Variants in RNF111 observed in about 807,000 individuals in gnomAD.
The protein encoded by RNF111 is ring finger protein 111.
In RNF111, 17 loss-of-function variants were observed where a neutral mutation model predicts 95.1. The observed-to-expected ratio is 0.18, with a 90% CI of 0.12 to 0.27. RNF111 has a LOEUF of 0.27. Among genes scored for constraint, RNF111 ranks in the 10% least tolerant of loss-of-function variants. The pLI, the probability that RNF111 is intolerant of heterozygous loss-of-function variation, is 1.00. For missense variants in RNF111, 1,189 were observed against 1,210.4 expected (o/e 0.98, Z 0.26); for synonymous variants, 440 against 414.8 (o/e 1.06, Z -0.74).
chr15:59,048,229 G>T (rs2041806932), intron 2 of RNF111, among the ~76,000 whole-genome samples: 1 of 152,072 alleles, frequency 6.6e-6, no homozygotes. Flanking sequence ...TGGATGAATG[G>T]ATAAAGTATG....
intron 10 of RNF111, 140 bp downstream of exon 10, chr15:59,085,925 A>G: frequency 1.3e-6 from 1 of 756,196 alleles, no homozygotes; most frequent in South Asian, 1.9e-5. Flanking sequence ...TTGTGCTATA[A>G]AAAGGTATTA....
chr15:59,094,828 A>T lies in RNF111; in HGVS notation c.2889A>T (p.Gln963His). 6.2e-7 allele frequency: 1 copy of T among 1,613,424 alleles called. No homozygotes were observed. Among genetic ancestry groups the T allele is most frequent in the Non-Finnish European group, 8.5e-7 (1 of 1,179,496 alleles). ...MHLFHQVCVD[Q>H]WLITNKKCPI... ...TTTTCCACCAAGTGTGTGTTGACCA[A>T]TGGTTGATTACCAATAAGAAGTGCC... The change falls in exon 14 of 14, where the codon CAA becomes CAT. Residue 963 changes from glutamine to histidine, a missense_variant. By Grantham distance (24) the Gln-to-His change is conservative. Coordinates refer to ENST00000348370, the MANE Select transcript of RNF111 (RefSeq NM_017610.8).
intron 1 of RNF111, among the ~76,000 whole-genome samples, chr15:59,023,899 T>C (rs2040469580): frequency 1.3e-5 from 2 of 152,224 alleles, no homozygotes; most frequent in South Asian, 2.1e-4. Context: ...CTAAGGGACA[T>C]GAAGAGTGAT....
At chr15:59,076,264 C>T (rs1183351543) in intron 7 of RNF111, 49 bp downstream of exon 7, 14 of 1,571,366 alleles carry the variant, frequency 8.9e-6, no homozygotes, top group Middle Eastern at 1.7e-4. Flanking sequence ...GTCAATGAAG[C>T]ATTTTGTACT....
Position 59,026,951 on chromosome 15 carries a change from G to A in RNF111, c.-19-3853G>A, listed in dbSNP as rs541903283. Among the ~76,000 whole-genome samples the A allele has an allele frequency of 4.1e-4, 63 of 152,294 alleles. No individual in the cohort carries two copies. The Middle Eastern group carries it at 0.02, about 49-fold the overall frequency. On this transcript the variant is annotated intron_variant, in intron 1 of 13. Transcript: ENST00000348370. The stretch of plus-strand genomic sequence containing the variant: ...TCCTCTACCCTTGTCTCATTGGACA[G>A]ACTAAACTGATCAAAAATCAGAGCA...
intron 1 of RNF111, among the ~76,000 whole-genome samples, chr15:59,028,575 C>T (rs2040741800): frequency 6.6e-6 from 1 of 151,994 alleles, no homozygotes; most frequent in Non-Finnish European, 1.5e-5. Flanking sequence ...GAGGGACTAC[C>T]GTACTTCATT....
In RNF111 at chr15:59,031,074, A is replaced by G. The variant is rs1301818786; in HGVS notation, c.252A>G (p.Glu84=). 9 of 1,614,156 alleles carry G rather than the reference A, an allele frequency of 5.6e-6. No individual in the cohort carries two copies. In the Admixed American group the frequency reaches 1.0e-4, roughly 18 times the overall value. ...AGGAAATGAATGGTAACCAGCAAGA[A>G]CAAGAAAAAAGTCTCGTTGTGAGGA... The part of the protein sequence containing the change: ...QEKEMNGNQQ[E]QEKSLVVRKK... The change falls in exon 2 of 14, where the codon GAA becomes GAG. Residue 84 remains glutamate (E), a synonymous_variant. Transcript: ENST00000348370.
intron 2 of RNF111, 29 bp from the exon 3 acceptor site, chr15:59,052,276 C>G: frequency 6.5e-7 from 1 of 1,532,392 alleles, no homozygotes; most frequent in East Asian, 2.4e-5. Flanking sequence ...AGGAAGATGC[C>G]TTTAAATGTT....
At chr15:59,044,467 T>A (rs144426426) in intron 2 of RNF111, among the ~76,000 whole-genome samples, 6 of 152,344 alleles carry the variant, frequency 3.9e-5, no homozygotes, top group African/African-American at 1.4e-4. Flanking sequence ...GAAATAGAAA[T>A]GGGCTTTGAA....
At chr15:59,091,888 A>G (rs2121237) in intron 12 of RNF111, among the ~76,000 whole-genome samples, 46,619 of 151,990 alleles carry the variant, frequency 0.31, 7,300 homozygotes, top group East Asian at 0.45. Flanking sequence ...ACAGTTTACA[A>G]TAGGGTTCAC....
intron 5 of RNF111, 55 bp downstream of exon 5, chr15:59,058,605 A>T (rs1423349507): frequency 6.8e-7 from 1 of 1,475,318 alleles, no homozygotes. Flanking sequence ...CGTTAGGAAA[A>T]GTATTATTGT....
chr15:59,091,462 G>A (rs1053161510), intron 12 of RNF111, among the ~76,000 whole-genome samples: 3 of 151,932 alleles, frequency 2.0e-5, no homozygotes, highest in Non-Finnish European at 2.9e-5. Flanking sequence ...AACACAAAAG[G>A]AGATGATTAC....
chr15:59,088,864 G>A (rs573049276), intron 10 of RNF111, among the ~76,000 whole-genome samples: 2 of 152,284 alleles, frequency 1.3e-5, no homozygotes, highest in African/African-American at 2.4e-5. Context: ...TCCATAAGGT[G>A]TATGACAGCC....
intron 2 of RNF111, among the ~76,000 whole-genome samples, chr15:59,042,766 C>T (rs1432756871): frequency 6.6e-6 from 1 of 152,148 alleles, no homozygotes; most frequent in Non-Finnish European, 1.5e-5. Flanking sequence ...GGAGTTTTTA[C>T]TCCGTCTTAT....
chr15:59,000,559 A>T lies in RNF111; in HGVS notation c.-20+12491A>T, dbSNP rs148099928. Among the ~76,000 whole-genome samples, 413 of 152,122 alleles carry T rather than the reference A, an allele frequency of 2.7e-3. 2 individuals are homozygous for T. The highest frequency in any genetic ancestry group is 9.4e-3 in the African/African-American group (391 of 41,516). The stretch of plus-strand genomic sequence containing the variant: ...AAACCCTGTCTCTACGAAAAATACA[A>T]AACAGCCAGGTATGGTGGCGGGCGC... On this transcript the variant is annotated intron_variant, in intron 1 of 13. Coordinates refer to ENST00000348370, the MANE Select transcript of RNF111 (RefSeq NM_017610.8).
chr15:59,018,484 T>C lies in RNF111; in HGVS notation c.-19-12320T>C, dbSNP rs572070731. ...TAATATAGTGAAAAATTTAAATATA[T>C]TATGTTCTCATAATTTATTTCCTTA... On this transcript the variant is annotated intron_variant, in intron 1 of 13. Coordinates refer to ENST00000348370, the MANE Select transcript of RNF111 (RefSeq NM_017610.8). Among the ~76,000 whole-genome samples, 6 of 152,298 alleles carry C rather than the reference T, an allele frequency of 3.9e-5. No homozygotes were observed. In the South Asian group the frequency reaches 1.2e-3, roughly 32 times the overall value.
At chr15:59,018,701 A>AATCCTATAATAGCAGACTTAC (rs1395642890) in intron 1 of RNF111, among the ~76,000 whole-genome samples, 3 of 152,208 alleles carry the variant, frequency 2.0e-5, no homozygotes, top group African/African-American at 7.2e-5. Flanking sequence ...TACGAAGAAG[A>AATCCTATAATAGCAGACTTAC]ATCCTATAAT....
intron 6 of RNF111, among the ~76,000 whole-genome samples, chr15:59,072,167 G>C (rs187367901): frequency 9.1e-4 from 139 of 152,258 alleles, no homozygotes; most frequent in African/African-American, 3.2e-3. Context: ...CCTTAATGTT[G>C]GTGGCTATGA....
intron 1 of RNF111, among the ~76,000 whole-genome samples, chr15:59,000,656 C>A (rs992181242): frequency 1.5e-4 from 22 of 151,460 alleles, no homozygotes; most frequent in Admixed American, 8.6e-4. Flanking sequence ...TTTCAGTGAG[C>A]CAAGATGGCA....
Sources: allele counts gnomAD v4.1 joint callset (sites outside exome capture counted in the v4.1 genomes callset), GRCh38; gene constraint gnomAD v4.1.1; transcripts MANE v1.5; gene names NCBI Gene and HGNC (gene_info 2026-07-23, HGNC 2026-07-21).